The following CIMIP1 variants were observed in gnomAD, a reference collection of about 807,000 sequenced individuals.
CIMIP1 encodes ciliary microtubule inner protein 1.
the CIMIP1 span, among the ~76,000 whole-genome samples, chr20:58,151,339 GT>G: frequency 4.4e-3 from 650 of 146,624 alleles, 7 homozygotes; most frequent in African/African-American, 0.013. Context: ...ACATGTTCAT[GT>G]TTTTTTTTTT....
At chr20:58,159,795 T>C in the CIMIP1 span, among the ~76,000 whole-genome samples, 1 of 152,226 alleles carries the variant, frequency 6.6e-6, no homozygotes, top group Non-Finnish European at 1.5e-5. Context: ...CTGTCATTTG[T>C]TGATGACCCG....
At chr20:58,160,467 A>G in the CIMIP1 span, among the ~76,000 whole-genome samples, 4 of 152,214 alleles carry the variant, frequency 2.6e-5, no homozygotes, top group Admixed American at 1.3e-4. Context: ...ATAAAGAAAC[A>G]TGTTTGATGT....
At chr20:58,154,758 C>G in the CIMIP1 span, among the ~76,000 whole-genome samples, 2 of 152,130 alleles carry the variant, frequency 1.3e-5, no homozygotes, top group African/African-American at 4.8e-5. Context: ...GGACGCTCTC[C>G]TCTAATATTT....
chr20:58,160,935 T>G, the CIMIP1 span: 9 of 1,185,440 alleles, frequency 7.6e-6, no homozygotes, highest in Non-Finnish European at 1.0e-5. Context: ...CCCTGCGTAC[T>G]TGCTCATGGG....
the CIMIP1 span, chr20:58,153,637 T>G: frequency 6.4e-7 from 1 of 1,557,066 alleles, no homozygotes; most frequent in African/African-American, 1.4e-5. Context: ...TAAATATAAA[T>G]TGTATGAGCC....
the CIMIP1 span, among the ~76,000 whole-genome samples, chr20:58,156,029 G>A: frequency 1.3e-5 from 2 of 152,148 alleles, no homozygotes; most frequent in Admixed American, 6.5e-5. Context: ...CCTACTTCAG[G>A]GAGTACCCTC....
the CIMIP1 span, among the ~76,000 whole-genome samples, chr20:58,154,322 G>T: frequency 1.3e-5 from 2 of 152,190 alleles, no homozygotes; most frequent in African/African-American, 4.8e-5. Context: ...AAAGCCAACT[G>T]CATATTCCCA....
chr20:58,152,610 TA>T, the CIMIP1 span, among the ~76,000 whole-genome samples: 2 of 150,186 alleles, frequency 1.3e-5, no homozygotes, highest in Non-Finnish European at 2.9e-5. Flanking sequence ...TAATCCCAGC[TA>T]CTCAGGAGGC....
At chr20:58,156,317 C>T in the CIMIP1 span, among the ~76,000 whole-genome samples, 4 of 152,104 alleles carry the variant, frequency 2.6e-5, no homozygotes, top group African/African-American at 9.7e-5. Flanking sequence ...TGAAGGATGA[C>T]CAGGCACCAG....
At chr20:58,160,683 C>T in the CIMIP1 span, 1 of 1,614,046 alleles carries the variant, frequency 6.2e-7, no homozygotes, top group Non-Finnish European at 8.5e-7. Flanking sequence ...CCCCCAGTCC[C>T]ACAGACCACC....
At chr20:58,153,599 G>A in the CIMIP1 span, 1 of 1,613,824 alleles carries the variant, frequency 6.2e-7, no homozygotes, top group Non-Finnish European at 8.5e-7. Flanking sequence ...CCAGAACTGG[G>A]GGTTTTTAAC....
At chr20:58,157,222 C>T in the CIMIP1 span, among the ~76,000 whole-genome samples, 77 of 152,218 alleles carry the variant, frequency 5.1e-4, no homozygotes, top group Middle Eastern at 3.4e-3. Flanking sequence ...ATCTCTTAGC[C>T]GCTCACCGTG....
At chr20:58,151,068 G>A in the CIMIP1 span, 124 of 1,555,062 alleles carry the variant, frequency 8.0e-5, no homozygotes, top group Non-Finnish European at 1.0e-4. Flanking sequence ...GTGGGCTCCT[G>A]TTCTCACCTG....
At chr20:58,153,699 C>A in the CIMIP1 span, 1 of 1,114,868 alleles carries the variant, frequency 9.0e-7, no homozygotes, top group Non-Finnish European at 1.3e-6. Context: ...CAAAGTCTAT[C>A]ACTTGCAAGA....
the CIMIP1 span, chr20:58,151,033 G>C: frequency 2.5e-6 from 4 of 1,604,832 alleles, no homozygotes; most frequent in Non-Finnish European, 3.4e-6. Context: ...ATGAGATCTG[G>C]TAACGCCTGG....
the CIMIP1 span, among the ~76,000 whole-genome samples, chr20:58,158,354 A>T: frequency 6.6e-6 from 1 of 152,214 alleles, no homozygotes. Context: ...TTTCTTGCCC[A>T]AGAAATGGTA....
chr20:58,150,988 C>CGCG, the CIMIP1 span: 1 of 1,608,920 alleles, frequency 6.2e-7, no homozygotes. Context: ...CTCTCAGCAC[C>CGCG]GCGGCGGCTG....
chr20:58,157,017 GT>G, the CIMIP1 span, among the ~76,000 whole-genome samples: 1 of 152,174 alleles, frequency 6.6e-6, no homozygotes, highest in Non-Finnish European at 1.5e-5. Flanking sequence ...TATGTTGACA[GT>G]TTTTACCCCA....
the CIMIP1 span, among the ~76,000 whole-genome samples, chr20:58,153,288 G>A: frequency 1.3e-5 from 2 of 152,120 alleles, no homozygotes; most frequent in Non-Finnish European, 2.9e-5. Context: ...AGGCAGAATC[G>A]GCCCCCAGAC....
Sources: gnomAD v4.1 joint callset for allele counts (sites outside exome capture counted in the v4.1 genomes callset) on GRCh38, gnomAD v4.1.1 for gene constraint, MANE v1.5 for transcripts, NCBI Gene and HGNC (gene_info 2026-07-23, HGNC 2026-07-21) for gene names.